The following OSTF1 variants were observed in gnomAD, a reference collection of about 807,000 sequenced individuals.
OSTF1 encodes the protein osteoclast stimulating factor 1, also known as osteoclast-stimulating factor 1.
A neutral mutation model predicts 37.2 loss-of-function variants in OSTF1; 27 were observed. That is an observed-to-expected ratio of 0.73 (90% CI 0.54 to 1.00). OSTF1 has a LOEUF of 1.00. Ranked by LOEUF, OSTF1 falls within the 50% of genes least tolerant of loss-of-function variation. The pLI is 0.00. For synonymous variants in OSTF1, 82 were observed against 89.2 expected (o/e 0.92, Z 0.46); for missense variants, 232 against 253.8 (o/e 0.91, Z 0.58).
intron 1 of OSTF1, among the ~76,000 whole-genome samples, chr9:75,114,405 T>C (rs968176203): frequency 3.9e-5 from 6 of 152,108 alleles, no homozygotes; most frequent in African/African-American, 1.4e-4. Context: ...AAAAATCAAT[T>C]TATCAGTCAC....
At chr9:75,097,256 G>A (rs143173778) in intron 1 of OSTF1, among the ~76,000 whole-genome samples, 158 of 152,274 alleles carry the variant, frequency 1.0e-3, no homozygotes, top group African/African-American at 3.4e-3. Flanking sequence ...GGGCCTATCC[G>A]AAGCTGAAAT....
At chr9:75,124,379 A>AT (rs980336991) in intron 2 of OSTF1, among the ~76,000 whole-genome samples, 5 of 151,848 alleles carry the variant, frequency 3.3e-5, no homozygotes, top group Non-Finnish European at 7.4e-5. Context: ...TTCTTTCTAA[A>AT]TTTTTTTTGT....
chr9:75,110,208 A>C (rs1461591675), intron 1 of OSTF1, among the ~76,000 whole-genome samples: 1 of 152,210 alleles, frequency 6.6e-6, no homozygotes, highest in Non-Finnish European at 1.5e-5. Context: ...TATCATACAG[A>C]GTCGTTTCAC....
At chr9:75,111,560 C>G (rs1418709256) in intron 1 of OSTF1, among the ~76,000 whole-genome samples, 1 of 152,080 alleles carries the variant, frequency 6.6e-6, no homozygotes, top group African/African-American at 2.4e-5. Context: ...TCACCTAAAG[C>G]CTCAGACAAA....
intron 2 of OSTF1, among the ~76,000 whole-genome samples, chr9:75,119,583 T>C (rs1825546045): frequency 6.6e-6 from 1 of 152,218 alleles, no homozygotes; most frequent in African/African-American, 2.4e-5. Context: ...TTCTGAGGCC[T>C]TGCTTCTTGG....
At chr9:75,108,785 C>A (rs1300955164) in intron 1 of OSTF1, among the ~76,000 whole-genome samples, 1 of 152,138 alleles carries the variant, frequency 6.6e-6, no homozygotes, top group Non-Finnish European at 1.5e-5. Context: ...GGCAGCGTCA[C>A]TTCCGGCAGC....
chr9:75,107,753 A>T (rs1452693012), intron 1 of OSTF1, among the ~76,000 whole-genome samples: 1 of 152,290 alleles, frequency 6.6e-6, no homozygotes, highest in African/African-American at 2.4e-5. Context: ...TTAGACTCAA[A>T]TTTTTTCCAA....
At chr9:75,107,862 C>T (rs1032052518) in intron 1 of OSTF1, among the ~76,000 whole-genome samples, 8 of 152,106 alleles carry the variant, frequency 5.3e-5, no homozygotes, top group Middle Eastern at 3.2e-3. Context: ...TAGAGTGCAT[C>T]GGTAACCCTC....
chr9:75,093,060 C>A (rs935077640), intron 1 of OSTF1, among the ~76,000 whole-genome samples: 1 of 134,950 alleles, frequency 7.4e-6, no homozygotes, highest in East Asian at 2.0e-4. Context: ...CTCTTTCTTT[C>A]TTTCTTTTTT....
At position 75,128,993 on chromosome 9, in the gene OSTF1, G is replaced by C. The variant is rs76209454; in HGVS notation, c.132+1374G>C. 5.5e-3 allele frequency among the ~76,000 whole-genome samples: 830 copies of C among 152,066 alleles called. 10 individuals are homozygous for C. Among genetic ancestry groups the C allele is most frequent in the African/African-American group, 0.018 (732 of 41,462 alleles). ...AATGTACAGGCTTCTTTGAGAAATGGCTGGTACCAAGTCAGGGGCAGCAGA... is the reference window on the plus strand; with the variant it reads ...AATGTACAGGCTTCTTTGAGAAATGCCTGGTACCAAGTCAGGGGCAGCAGA... On this transcript the variant is annotated intron_variant, in intron 3 of 9. Transcript: ENST00000346234.
At chr9:75,109,453 A>G (rs545923138) in intron 1 of OSTF1, among the ~76,000 whole-genome samples, 1 of 152,394 alleles carries the variant, frequency 6.6e-6, no homozygotes, top group South Asian at 2.1e-4. Flanking sequence ...TTAAATATCC[A>G]TCTACCTGTC....
chr9:75,104,825 G>C (rs1387479041), intron 1 of OSTF1, among the ~76,000 whole-genome samples: 2 of 152,184 alleles, frequency 1.3e-5, no homozygotes, highest in East Asian at 1.9e-4. Flanking sequence ...ACAGTATTCA[G>C]AGCATGGGTT....
intron 4 of OSTF1, among the ~76,000 whole-genome samples, chr9:75,130,881 CA>C (rs1825751995): frequency 6.6e-6 from 1 of 152,118 alleles, no homozygotes; most frequent in African/African-American, 2.4e-5. Flanking sequence ...TCCAAGGAAA[CA>C]CTTATGGTTT....
chr9:75,129,860 TC>T (rs1247952193), intron 3 of OSTF1, among the ~76,000 whole-genome samples: 3 of 152,222 alleles, frequency 2.0e-5, no homozygotes, highest in African/African-American at 7.2e-5. Flanking sequence ...AATTTGAGTA[TC>T]GACCTAGATA....
intron 2 of OSTF1, among the ~76,000 whole-genome samples, chr9:75,124,526 G>A (rs1412842638): frequency 6.6e-6 from 1 of 152,136 alleles, no homozygotes; most frequent in Non-Finnish European, 1.5e-5. Flanking sequence ...AACATGCGAT[G>A]TTTGTTTTTC....
At chr9:75,098,849 C>T (rs1320075569) in intron 1 of OSTF1, among the ~76,000 whole-genome samples, 1 of 152,192 alleles carries the variant, frequency 6.6e-6, no homozygotes, top group African/African-American at 2.4e-5. Context: ...AGAGGGAGGA[C>T]TAATCTGCTA....
intron 9 of OSTF1, among the ~76,000 whole-genome samples, chr9:75,146,307 G>A (rs376038270): frequency 3.1e-4 from 47 of 152,204 alleles, no homozygotes; most frequent in African/African-American, 1.1e-3. Flanking sequence ...CCTACCTAGT[G>A]ACTTTGCCTT....
intron 2 of OSTF1, among the ~76,000 whole-genome samples, chr9:75,126,605 G>GT (rs544039805): frequency 1.2e-3 from 176 of 152,054 alleles, no homozygotes; most frequent in African/African-American, 3.9e-3. Flanking sequence ...GTTTTGTTTT[G>GT]TTTTTTGAGA....
intron 9 of OSTF1, among the ~76,000 whole-genome samples, chr9:75,144,876 T>C (rs905693675): frequency 6.6e-6 from 1 of 152,162 alleles, no homozygotes; most frequent in African/African-American, 2.4e-5. Context: ...GGTAGATATG[T>C]CTCTTTATTT....
Sources: allele counts gnomAD v4.1 joint callset (sites outside exome capture counted in the v4.1 genomes callset), GRCh38; gene constraint gnomAD v4.1.1; transcripts MANE v1.5; gene names NCBI Gene and HGNC (gene_info 2026-07-23, HGNC 2026-07-21).